The following ZNF362 variants were observed in gnomAD, a reference collection of about 807,000 sequenced individuals.
The protein encoded by ZNF362 is zinc finger protein 362, also known as rotund homolog.
In ZNF362, 11 loss-of-function variants were observed where a neutral mutation model predicts 42.9. That is an observed-to-expected ratio of 0.26 (90% CI 0.16 to 0.42). The LOEUF is 0.42. ZNF362 is among the 20% of genes least tolerant of loss of function. The pLI, the probability that ZNF362 is intolerant of heterozygous loss-of-function variation, is 1.00. For missense variants in ZNF362, 362 were observed against 576.2 expected (o/e 0.63, Z 3.81); for synonymous variants, 255 against 257.3 (o/e 0.99, Z 0.09).
chr1:33,256,687 G>T (rs1645793682), intron 1 of ZNF362, 33 bp downstream of exon 1: 1 of 144,508 alleles, frequency 6.9e-6, no homozygotes, highest in Non-Finnish European at 1.5e-5. Context: ...CGGGGAGCGG[G>T]CCCAGCGGCG....
chr1:33,147,522 G>T, the ZNF362 span: 2 of 1,613,752 alleles, frequency 1.2e-6, no homozygotes, highest in Non-Finnish European at 1.7e-6. The surrounding 1 kb of genome is among the most constrained non-coding windows in gnomAD (Gnocchi z 8.1). Flanking sequence ...TCACCCACTG[G>T]GTCTTCTCCG....
chr1:33,278,848 C>T (rs1645969987), intron 4 of ZNF362, among the ~76,000 whole-genome samples: 1 of 152,106 alleles, frequency 6.6e-6, no homozygotes, highest in South Asian at 2.1e-4. Flanking sequence ...GAGAGTGGAC[C>T]ACAGCTCTTT....
Position 33,276,601 on chromosome 1 carries a change from C to A in ZNF362, c.349+7C>A. ...GCCACCAGCACCGTCACAGGTAGGC[C>A]GAGCGGGCGGGGCCGGCGGGGCCGG... On this transcript the variant is annotated splice_region_variant and intron_variant, in intron 4 of 8. Transcript: ENST00000539719. The A allele has an allele frequency of 2.2e-6, 3 of 1,335,456 alleles. No individual in the cohort carries two copies. Among genetic ancestry groups the A allele is most frequent in the Non-Finnish European group, 2.9e-6 (3 of 1,047,894 alleles). 82.7% of individuals were successfully genotyped at this position (1,335,456 alleles called of 1,614,324 possible). A position where few individuals can be genotyped will look rare whatever the true frequency, so the allele number is the denominator to read the frequency against.
At chr1:33,262,587 G>A (rs1266186107) in intron 1 of ZNF362, among the ~76,000 whole-genome samples, 2 of 152,074 alleles carry the variant, frequency 1.3e-5, no homozygotes. Context: ...GATTACAGGC[G>A]TGAGCCACCG....
chr1:33,150,727 C>T, the ZNF362 span, among the ~76,000 whole-genome samples: 3 of 151,902 alleles, frequency 2.0e-5, no homozygotes, highest in Admixed American at 6.6e-5. Context: ...ACAGTGGGGT[C>T]GGGAGGTGGG....
In ZNF362 at chr1:33,280,090, G is replaced by A. The variant is rs1013966861; in HGVS notation, c.350-34G>A. On this transcript the variant is annotated intron_variant, in intron 4 of 8. Transcript: ENST00000539719. This position sits in a 1 kb window ranked among gnomAD's most constrained non-coding sequence, Gnocchi z 5.6. ...CAGCTGAGCTGGCCTCTGCAGCTCCGCTCACCCCTGCCCCCACCCACCTGT... is the reference window on the plus strand; with the variant it reads ...CAGCTGAGCTGGCCTCTGCAGCTCCACTCACCCCTGCCCCCACCCACCTGT... 26 of 1,527,464 alleles carry A rather than the reference G, an allele frequency of 1.7e-5. No individual in the cohort carries two copies. The highest frequency in any genetic ancestry group is 6.9e-5 in the African/African-American group (5 of 72,524). 94.6% of individuals were successfully genotyped at this position (1,527,464 alleles called of 1,614,324 possible).
the ZNF362 span, among the ~76,000 whole-genome samples, chr1:33,225,727 A>G: frequency 2.6e-5 from 4 of 152,342 alleles, no homozygotes; most frequent in East Asian, 1.9e-4. Context: ...ATTACCTCAC[A>G]TAAGTCATCC....
At chr1:33,212,855 T>C in the ZNF362 span, among the ~76,000 whole-genome samples, 2 of 152,186 alleles carry the variant, frequency 1.3e-5, no homozygotes, top group Admixed American at 6.5e-5. Context: ...AGCCGAACTA[T>C]ATGAGAAATG....
the ZNF362 span, among the ~76,000 whole-genome samples, chr1:33,156,016 C>T: frequency 6.9e-4 from 105 of 152,304 alleles, 1 homozygote; most frequent in African/African-American, 2.4e-3. Context: ...CACCACTGCC[C>T]CACTGGCTTT....
chr1:33,209,986 T>TA, the ZNF362 span, among the ~76,000 whole-genome samples: 1 of 152,270 alleles, frequency 6.6e-6, no homozygotes, highest in East Asian at 1.9e-4. Context: ...ATTTGTTTGC[T>TA]CTTCCTTCTC....
chr1:33,279,975 C>G (rs1396782859), intron 4 of ZNF362, 149 bp from the exon 5 acceptor site: 1 of 842,268 alleles, frequency 1.2e-6, no homozygotes, highest in Non-Finnish European at 1.7e-6. Flanking sequence ...GCATCTTACA[C>G]ATGCACAAGG....
chr1:33,162,426 T>C, the ZNF362 span, among the ~76,000 whole-genome samples: 1 of 152,208 alleles, frequency 6.6e-6, no homozygotes, highest in African/African-American at 2.4e-5. Flanking sequence ...CCAGAGCCTT[T>C]TGTCAACAGT....
Position 33,270,620 on chromosome 1 carries a change from G to C in ZNF362, c.38+8G>C. 1 of 1,612,978 alleles carries C rather than the reference G, an allele frequency of 6.2e-7. No homozygotes were observed. Among genetic ancestry groups the C allele is most frequent in the Non-Finnish European group, 8.5e-7 (1 of 1,179,542 alleles). Reference sequence around the variant, plus strand: ...TGGGAAAGGACACTCTAGGTAAGGAGCCTGTGATTCCAGGTTGCACTCTGT... The same window carrying C: ...TGGGAAAGGACACTCTAGGTAAGGACCCTGTGATTCCAGGTTGCACTCTGT... On this transcript the variant is annotated splice_region_variant and intron_variant, in intron 2 of 8. Transcript: ENST00000539719.
chr1:33,274,037 G>A (rs975186861), intron 2 of ZNF362, among the ~76,000 whole-genome samples: 2 of 152,112 alleles, frequency 1.3e-5, no homozygotes, highest in East Asian at 1.9e-4. Context: ...TTACATCTCG[G>A]TCCCCTCCAC....
At chr1:33,210,678 A>G in the ZNF362 span, among the ~76,000 whole-genome samples, 371 of 152,194 alleles carry the variant, frequency 2.4e-3, 5 homozygotes, top group East Asian at 0.031. Context: ...ACCACTATGT[A>G]ATGGCCTTCT....
the ZNF362 span, chr1:33,164,575 G>A: frequency 6.6e-6 from 1 of 152,372 alleles, no homozygotes; most frequent in Non-Finnish European, 1.5e-5. Flanking sequence ...TCTCAAGTCA[G>A]TGGAAAAGTC....
At chr1:33,232,663 G>C in the ZNF362 span, among the ~76,000 whole-genome samples, 1 of 152,198 alleles carries the variant, frequency 6.6e-6, no homozygotes, top group Non-Finnish European at 1.5e-5. Context: ...ATATGGGAAG[G>C]AAGCTGACAC....
the ZNF362 span, among the ~76,000 whole-genome samples, chr1:33,224,024 C>T: frequency 3.2e-4 from 49 of 151,832 alleles, no homozygotes; most frequent in Non-Finnish European, 5.4e-4. Context: ...AGAAAAAGAA[C>T]ATGATCCAGA....
At chr1:33,193,004 C>CACATATATATATATATATAT in the ZNF362 span, among the ~76,000 whole-genome samples, 1 of 137,202 alleles carries the variant, frequency 7.3e-6, no homozygotes, top group Non-Finnish European at 1.6e-5. Context: ...CACACACACA[C>CACATATATATATATATATAT]ATATATATAT....
Sources: allele counts gnomAD v4.1 joint callset (sites outside exome capture counted in the v4.1 genomes callset), GRCh38; gene constraint gnomAD v4.1.1; non-coding constraint Gnocchi (gnomAD v3.1); transcripts MANE v1.5; gene names NCBI Gene and HGNC (gene_info 2026-07-23, HGNC 2026-07-21).